The following ACOXL variants were observed in gnomAD, a reference collection of about 807,000 sequenced individuals.
ACOXL encodes the protein acyl-coenzyme A oxidase-like protein.
Under a neutral mutation model 71.9 loss-of-function variants are expected in ACOXL, and 70 were observed. That is an observed-to-expected ratio of 0.97 (90% CI 0.80 to 1.19). The LOEUF (loss-of-function observed/expected upper bound fraction) is 1.19, where lower values mean the gene tolerates loss of function less well. ACOXL is among the 50% of genes most tolerant of loss of function. The probability of loss-of-function intolerance (pLI) is 0.00; values close to 1 mark genes in which losing one functional copy is unlikely to be tolerated. For synonymous variants in ACOXL, 253 were observed against 281.6 expected (o/e 0.90, Z 1.02); for missense variants, 703 against 736.3 (o/e 0.95, Z 0.52).
At chr2:111,072,801 G>A (rs1159805531) in intron 16 of ACOXL, among the ~76,000 whole-genome samples, 2 of 152,166 alleles carry the variant, frequency 1.3e-5, no homozygotes, top group Non-Finnish European at 2.9e-5. Context: ...GAGAACCACT[G>A]CTCTTGGTTA....
chr2:110,764,201 A>G (rs1680751956), intron 1 of ACOXL, among the ~76,000 whole-genome samples: 1 of 152,178 alleles, frequency 6.6e-6, no homozygotes, highest in Non-Finnish European at 1.5e-5. Flanking sequence ...GCACACAGAA[A>G]CCTGCACATG....
chr2:110,820,563 T>C (rs1320761346), intron 9 of ACOXL, among the ~76,000 whole-genome samples: 1 of 132,402 alleles, frequency 7.6e-6, no homozygotes, highest in Admixed American at 8.1e-5. Flanking sequence ...GGAGTGGGGG[T>C]GGGGCTGGAC....
At chr2:110,947,283 CAA>C (rs1249887192) in intron 12 of ACOXL, among the ~76,000 whole-genome samples, 1 of 152,188 alleles carries the variant, frequency 6.6e-6, no homozygotes, top group Non-Finnish European at 1.5e-5. Flanking sequence ...TCTCCATATT[CAA>C]GCAAACCTAG....
chr2:111,036,195 G>A (rs2065503220), intron 15 of ACOXL, among the ~76,000 whole-genome samples: 1 of 152,228 alleles, frequency 6.6e-6, no homozygotes, highest in Non-Finnish European at 1.5e-5. Context: ...GCCTGGAGGG[G>A]AGGGGAAGAG....
At chr2:111,055,748 G>A (rs1269962365) in intron 16 of ACOXL, among the ~76,000 whole-genome samples, 1 of 152,234 alleles carries the variant, frequency 6.6e-6, no homozygotes, top group East Asian at 1.9e-4. Context: ...ACCCAGTCCA[G>A]GATCAGTAGT....
At chr2:110,965,106 C>T (rs1031895856) in intron 12 of ACOXL, among the ~76,000 whole-genome samples, 2 of 152,156 alleles carry the variant, frequency 1.3e-5, no homozygotes, top group African/African-American at 4.8e-5. Flanking sequence ...ACTTATTTCA[C>T]TTAACATAAT....
intron 12 of ACOXL, among the ~76,000 whole-genome samples, chr2:110,973,956 T>C (rs907848758): frequency 1.3e-5 from 2 of 152,156 alleles, no homozygotes; most frequent in Non-Finnish European, 2.9e-5. Flanking sequence ...GTCAGCCTGC[T>C]TGTTTGCCAT....
intron 3 of ACOXL, among the ~76,000 whole-genome samples, chr2:110,791,828 GA>G (rs1395472661): frequency 6.6e-6 from 1 of 152,116 alleles, no homozygotes; most frequent in Non-Finnish European, 1.5e-5. Flanking sequence ...GTGACCCCAG[GA>G]AAAAAGTCGA....
intron 11 of ACOXL, among the ~76,000 whole-genome samples, chr2:110,920,903 T>A (rs2149289800): frequency 1.3e-5 from 2 of 152,304 alleles, no homozygotes; most frequent in Middle Eastern, 3.4e-3. Flanking sequence ...TATTTTACTA[T>A]GTTGATACCT....
chr2:111,042,647 A>C (rs1295091561), intron 15 of ACOXL, among the ~76,000 whole-genome samples: 1 of 152,212 alleles, frequency 6.6e-6, no homozygotes, highest in Non-Finnish European at 1.5e-5. Flanking sequence ...TGAGCCTGGA[A>C]AAGTGGGCCA....
intron 9 of ACOXL, among the ~76,000 whole-genome samples, chr2:110,810,982 AT>A (rs1687251985): frequency 6.6e-6 from 1 of 152,186 alleles, no homozygotes; most frequent in Non-Finnish European, 1.5e-5. Flanking sequence ...AAACCATCAG[AT>A]TTCATGAGAC....
intron 9 of ACOXL, among the ~76,000 whole-genome samples, chr2:110,816,054 T>C (rs1328105630): frequency 6.6e-6 from 1 of 151,736 alleles, no homozygotes. Flanking sequence ...GATGGAGGGA[T>C]GGATGGGTAG....
At chr2:110,846,641 G>GCGCGCACACACACACACA (rs148602789) in intron 10 of ACOXL, among the ~76,000 whole-genome samples, 1 of 137,928 alleles carries the variant, frequency 7.3e-6, no homozygotes, top group Admixed American at 7.2e-5. Context: ...ATGCATACAC[G>GCGCGCACACACACACACA]CACACACACA....
rs557706230 is a variant in ACOXL at position 110,746,580 on chromosome 2, C to A, written c.-23+13806C>A. ...TGCCTCCATGAGGGGGCTTCCTCCACATGTACGTCGAATGGATTTGTTGTT... is the reference window on the plus strand; with the variant it reads ...TGCCTCCATGAGGGGGCTTCCTCCAAATGTACGTCGAATGGATTTGTTGTT... On this transcript the variant is annotated intron_variant, in intron 1 of 17. Coordinates refer to ENST00000439055, the MANE Select transcript of ACOXL (RefSeq NM_001142807.4). Among the ~76,000 whole-genome samples the A allele has an allele frequency of 5.9e-5, 9 of 152,286 alleles. No individual in the cohort carries two copies. The South Asian group carries it at 1.9e-3, about 32-fold the overall frequency.
At chr2:110,775,553 A>T (rs537631579) in intron 2 of ACOXL, among the ~76,000 whole-genome samples, 1 of 152,290 alleles carries the variant, frequency 6.6e-6, no homozygotes, top group South Asian at 2.1e-4. Flanking sequence ...ACAAGAAAAA[A>T]ACCAAACAAC....
chr2:110,826,644 G>A (rs1689190082), intron 9 of ACOXL, among the ~76,000 whole-genome samples: 1 of 151,994 alleles, frequency 6.6e-6, no homozygotes, highest in African/African-American at 2.4e-5. Context: ...TTGATTCATA[G>A]CAATGCAATG....
chr2:110,763,852 A>G (rs929134217), intron 1 of ACOXL, among the ~76,000 whole-genome samples: 4 of 152,202 alleles, frequency 2.6e-5, no homozygotes, highest in African/African-American at 9.7e-5. Flanking sequence ...AACAATAAGA[A>G]AACAAACAAC....
chr2:110,795,736 T>G (rs1185507368), intron 5 of ACOXL: 1 of 152,218 alleles, frequency 6.6e-6, no homozygotes, highest in Non-Finnish European at 1.5e-5. Context: ...CTTTGGCTTT[T>G]GGCTGGCCGA....
chr2:110,761,475 T>TAAC (rs2104911374), intron 1 of ACOXL, among the ~76,000 whole-genome samples: 1 of 152,352 alleles, frequency 6.6e-6, no homozygotes, highest in South Asian at 2.1e-4. Context: ...AATCAATGAC[T>TAAC]AACTAAGAGA....
Sources: allele counts gnomAD v4.1 joint callset (sites outside exome capture counted in the v4.1 genomes callset), GRCh38; gene constraint gnomAD v4.1.1; transcripts MANE v1.5; gene names NCBI Gene and HGNC (gene_info 2026-07-23, HGNC 2026-07-21).